The following PCBP3 variants were observed in gnomAD, a reference collection of about 807,000 sequenced individuals.
The protein encoded by PCBP3 is poly(rC) binding protein 3.
PCBP3 carries 25 observed loss-of-function variants against 52.7 expected under a neutral mutation model. That is an observed-to-expected ratio of 0.47 (90% confidence interval 0.35 to 0.66). The LOEUF is 0.66. PCBP3 is among the 30% of genes least tolerant of loss of function. The pLI, the probability that PCBP3 is intolerant of heterozygous loss-of-function variation, is 0.01. For missense variants in PCBP3, 391 were observed against 490.3 expected, an observed-to-expected ratio of 0.80 and a Z score of 1.91; for synonymous variants, 162 against 183.0, an observed-to-expected ratio of 0.89 and a Z score of 0.93.
chr21:45,658,585 T>G (rs1411720975), intron 1 of PCBP3, among the ~76,000 whole-genome samples: 1 of 152,230 alleles, frequency 6.6e-6, no homozygotes, highest in East Asian at 1.9e-4. Flanking sequence ...ATTACAGACA[T>G]GAGCCGCCAC....
At position 45,656,323 on chromosome 21, in the gene PCBP3, A is replaced by T. The variant is rs1396093617; in HGVS notation, c.-279+12455A>T. Reference sequence around the variant, plus strand: ...GAATACTATGCAGCCATAAAAAAGGATGAGTTCATATCCTTTGCAGGGACA... The same window carrying T: ...GAATACTATGCAGCCATAAAAAAGGTTGAGTTCATATCCTTTGCAGGGACA... On this transcript the variant is annotated intron_variant, in intron 1 of 17. Transcript: ENST00000681687. The surrounding 1 kb of genome is among the most constrained non-coding windows in gnomAD (Gnocchi z 4.3). Among the ~76,000 whole-genome samples, 3 of 152,236 alleles carry T rather than the reference A, an allele frequency of 2.0e-5. No homozygotes were observed. The highest frequency in any genetic ancestry group is 4.4e-5 in the Non-Finnish European group (3 of 68,046).
At chr21:45,646,105 C>CTGTG (rs1342511407) in intron 1 of PCBP3, among the ~76,000 whole-genome samples, 5,904 of 92,460 alleles carry the variant, frequency 0.064, 207 homozygotes, top group East Asian at 0.21. Context: ...CTCTCTCTCT[C>CTGTG]TCTGTGTGTG....
At chr21:45,891,015 G>T (rs1370090092) in intron 5 of PCBP3, among the ~76,000 whole-genome samples, 1 of 150,816 alleles carries the variant, frequency 6.6e-6, no homozygotes, top group African/African-American at 2.4e-5. Context: ...GGAACTCTGT[G>T]CATTGCTGAG....
At chr21:45,676,201 A>T (rs1020171148) in intron 2 of PCBP3, among the ~76,000 whole-genome samples, 4 of 152,222 alleles carry the variant, frequency 2.6e-5, no homozygotes, top group Non-Finnish European at 5.9e-5. Context: ...CTGAAAATTG[A>T]ACTAACTGAG....
At chr21:45,886,851 G>A (rs1210113029) in intron 5 of PCBP3, among the ~76,000 whole-genome samples, 5 of 152,198 alleles carry the variant, frequency 3.3e-5, no homozygotes, top group African/African-American at 1.2e-4. Context: ...AGCCTGCTCT[G>A]AAGCCACCCC....
intron 4 of PCBP3, among the ~76,000 whole-genome samples, chr21:45,797,978 T>C (rs1349458502): frequency 1.8e-5 from 2 of 112,234 alleles, no homozygotes; most frequent in Non-Finnish European, 3.5e-5. Flanking sequence ...AATGGATGTG[T>C]ACATGGATGA....
chr21:45,792,489 T>G (rs1026443226), intron 4 of PCBP3, among the ~76,000 whole-genome samples: 1 of 152,220 alleles, frequency 6.6e-6, no homozygotes, highest in Non-Finnish European at 1.5e-5. Context: ...ACAGCACAAG[T>G]CAGTCTTCTG....
At chr21:45,806,509 G>A (rs1048877195) in intron 4 of PCBP3, among the ~76,000 whole-genome samples, 16 of 151,556 alleles carry the variant, frequency 1.1e-4, no homozygotes, top group Admixed American at 1.3e-4. Flanking sequence ...TTCTTATCTC[G>A]TATTTTTACT....
intron 4 of PCBP3, among the ~76,000 whole-genome samples, chr21:45,769,554 C>T (rs891928286): frequency 4.6e-5 from 7 of 152,386 alleles, no homozygotes; most frequent in South Asian, 4.1e-4. Flanking sequence ...CTATCCAGGC[C>T]GGTCTTGTGT....
chr21:45,650,913 G>C (rs142312235), intron 1 of PCBP3, among the ~76,000 whole-genome samples: 2 of 152,144 alleles, frequency 1.3e-5, no homozygotes, highest in African/African-American at 2.4e-5. Flanking sequence ...CCTAATTTCA[G>C]ATGGGGCGGG....
chr21:45,794,652 G>A (rs899108989), intron 4 of PCBP3, among the ~76,000 whole-genome samples: 9 of 152,190 alleles, frequency 5.9e-5, no homozygotes, highest in Non-Finnish European at 1.2e-4. Context: ...CCCAGAGGCC[G>A]GGTGCAATGG....
chr21:45,663,322 C>A (rs1321538105), intron 1 of PCBP3, among the ~76,000 whole-genome samples: 1 of 151,918 alleles, frequency 6.6e-6, no homozygotes, highest in African/African-American at 2.4e-5. Context: ...CGCAGCCTGG[C>A]ATTCGGGGCC....
At chr21:45,713,760 G>A (rs1264340488) in intron 2 of PCBP3, among the ~76,000 whole-genome samples, 1 of 152,208 alleles carries the variant, frequency 6.6e-6, no homozygotes, top group African/African-American at 2.4e-5. Context: ...TGAGAATGAC[G>A]CTGCAGATGT....
chr21:45,822,251 C>T (rs1411244262), intron 4 of PCBP3, among the ~76,000 whole-genome samples: 1 of 152,126 alleles, frequency 6.6e-6, no homozygotes, highest in Non-Finnish European at 1.5e-5. Context: ...GGTCCTCAGC[C>T]CCCACTGCAG....
intron 5 of PCBP3, chr21:45,894,008 G>T: frequency 1.6e-5 from 16 of 985,582 alleles, no homozygotes; most frequent in Non-Finnish European, 1.8e-5. Context: ...TTTGCAGACG[G>T]CATGGACGGG....
chr21:45,913,704 A>C (rs1163585941), intron 11 of PCBP3, among the ~76,000 whole-genome samples: 1 of 152,178 alleles, frequency 6.6e-6, no homozygotes, highest in African/African-American at 2.4e-5. Flanking sequence ...GTGTGTGGCA[A>C]ACTGCAGCCC....
intron 2 of PCBP3, among the ~76,000 whole-genome samples, chr21:45,678,439 C>T (rs948131554): frequency 1.3e-5 from 2 of 152,090 alleles, no homozygotes; most frequent in Admixed American, 6.5e-5. Context: ...TCACCGTTCT[C>T]GATGTCATTA....
At position 45,741,693 on chromosome 21, in the gene PCBP3, T is replaced by C. The variant is rs1158549973; in HGVS notation, c.-162+6264T>C. On this transcript the variant is annotated intron_variant, in intron 3 of 17. Coordinates refer to ENST00000681687, the MANE Select transcript of PCBP3 (RefSeq NM_001384156.1). The surrounding 1 kb of genome is among the most constrained non-coding windows in gnomAD (Gnocchi z 4.5). ...AAAATAAAAAATTTTAAAGGTTATA[T>C]GGCAAATATTATTTTATAAAAAATT... Among the ~76,000 whole-genome samples the C allele has an allele frequency of 1.3e-5, 2 of 152,204 alleles. No homozygotes were observed. The highest frequency in any genetic ancestry group is 2.9e-5 in the Non-Finnish European group (2 of 68,026).
In PCBP3 at chr21:45,767,662, A is replaced by G. The variant is rs114630924; in HGVS notation, c.-126+12210A>G. ...CTTGAGGTGGCACTTTTTTATCCCC[A>G]TTTTAAGAAATGGGGCATGGGGAGG... On this transcript the variant is annotated intron_variant, in intron 4 of 17. Transcript: ENST00000681687. 3.2e-3 allele frequency among the ~76,000 whole-genome samples: 487 copies of G among 152,250 alleles called. 1 individual carries two copies. Among genetic ancestry groups the G allele is most frequent in the African/African-American group, 0.011 (468 of 41,554 alleles).
Sources: gnomAD v4.1 joint callset for allele counts (sites outside exome capture counted in the v4.1 genomes callset) on GRCh38, gnomAD v4.1.1 for gene constraint, Gnocchi (gnomAD v3.1) non-coding constraint, MANE v1.5 for transcripts, NCBI Gene and HGNC (gene_info 2026-07-23, HGNC 2026-07-21) for gene names.